TLL2: variants seen among roughly 807,000 people sequenced by gnomAD.
TLL2 encodes tolloid-like protein 2.
TLL2 carries 106 observed loss-of-function variants against 123.0 expected under a neutral mutation model. The observed-to-expected ratio is 0.86, with a 90% CI of 0.74 to 1.01. The LOEUF is 1.01. Among genes scored for constraint, TLL2 ranks in the 50% least tolerant of loss-of-function variants. The pLI is 0.00. For synonymous variants in TLL2, 494 were observed against 516.8 expected (o/e 0.96, Z 0.60); for missense variants, 1,332 against 1,336.7 (o/e 1.00, Z 0.06).
At chr10:96,368,246 G>A (rs751559132) in intron 20 of TLL2, 24 bp from the exon 21 acceptor site, 18 of 1,611,632 alleles carry the variant, frequency 1.1e-5, no homozygotes, top group Non-Finnish European at 1.4e-5. Context: ...AAAGGGAAAC[G>A]AGAAGGACTT....
chr10:96,478,158 C>T (rs1009499), intron 2 of TLL2, among the ~76,000 whole-genome samples: 1,923 of 152,334 alleles, frequency 0.013, 41 homozygotes, highest in African/African-American at 0.044. Context: ...ATGCAGCTGG[C>T]GTGGTGGCTG....
intron 1 of TLL2, among the ~76,000 whole-genome samples, chr10:96,481,547 G>A (rs1847312145): frequency 1.3e-5 from 2 of 152,180 alleles, no homozygotes; most frequent in African/African-American, 4.8e-5. Flanking sequence ...TGGGCCAGGT[G>A]TCAAGGAAAC....
At chr10:96,510,281 C>T (rs1847616257) in intron 1 of TLL2, among the ~76,000 whole-genome samples, 1 of 152,190 alleles carries the variant, frequency 6.6e-6, no homozygotes, top group Non-Finnish European at 1.5e-5. Flanking sequence ...GTATTGACAG[C>T]ATCAGAAGAA....
intron 1 of TLL2, among the ~76,000 whole-genome samples, chr10:96,495,723 G>A (rs940517608): frequency 2.8e-4 from 42 of 152,122 alleles, no homozygotes; most frequent in Non-Finnish European, 7.4e-5. Flanking sequence ...GGAAACAGGC[G>A]AGATGTGAAT....
chr10:96,476,234 A>ATTTTTTTTTTTTTTTT (rs1232966569), intron 2 of TLL2, among the ~76,000 whole-genome samples: 3 of 21,522 alleles, frequency 1.4e-4, no homozygotes, highest in African/African-American at 5.4e-4. Context: ...ATATATATAT[A>ATTTTTTTTTTTTTTTT]TATATATTTT....
chr10:96,432,159 C>CT (rs1717426879), intron 4 of TLL2, among the ~76,000 whole-genome samples: 1 of 152,164 alleles, frequency 6.6e-6, no homozygotes, highest in African/African-American at 2.4e-5. Context: ...ATATCAGATA[C>CT]ATACTAATTA....
intron 8 of TLL2, 187 bp from the exon 9 acceptor site, chr10:96,410,661 C>A: frequency 4.5e-6 from 3 of 672,382 alleles, no homozygotes; most frequent in Non-Finnish European, 2.7e-6. Context: ...ACCTAGGAGT[C>A]AAAAAGGAAC....
intron 1 of TLL2, among the ~76,000 whole-genome samples, chr10:96,505,056 T>A (rs1847566803): frequency 6.6e-6 from 1 of 151,746 alleles, no homozygotes; most frequent in African/African-American, 2.4e-5. Context: ...TAAAAGATAC[T>A]ACCTGCGACT....
At chr10:96,478,159 G>T (rs1030898810) in intron 2 of TLL2, among the ~76,000 whole-genome samples, 1 of 152,210 alleles carries the variant, frequency 6.6e-6, no homozygotes, top group African/African-American at 2.4e-5. Flanking sequence ...TGCAGCTGGC[G>T]TGGTGGCTGG....
intron 1 of TLL2, among the ~76,000 whole-genome samples, chr10:96,501,823 C>A (rs1434933733): frequency 6.6e-6 from 1 of 152,224 alleles, no homozygotes; most frequent in Non-Finnish European, 1.5e-5. Flanking sequence ...TCTGGTATCT[C>A]ATTGACTGAG....
chr10:96,373,766 T>C lies in TLL2; in HGVS notation c.2492A>G (p.Tyr831Cys). ...FEIEQHQECA[Y>C]DHLEMYDGPD... Reference sequence around the variant, plus strand: ...CCCGTCATACATTTCCAGGTGGTCATAGGCACATTCCTGGTGCTGCTCGAT... The same window carrying C: ...CCCGTCATACATTTCCAGGTGGTCACAGGCACATTCCTGGTGCTGCTCGAT... Residue 831 changes from tyrosine (Y) to cysteine (C), a missense_variant, in exon 19 of 21, where the codon TAT becomes TGT. Tyr to Cys is a radical substitution (Grantham distance 194, BLOSUM62 -2). Coordinates refer to ENST00000357947, the MANE Select transcript of TLL2 (RefSeq NM_012465.4). 2 of 1,614,194 alleles carry C rather than the reference T, an allele frequency of 1.2e-6. No individual in the cohort carries two copies. Among genetic ancestry groups the C allele is most frequent in the African/African-American group, 1.3e-5 (1 of 75,050 alleles).
At chr10:96,376,940 G>A (rs1030843592) in intron 17 of TLL2, 121 bp from the exon 18 acceptor site, 12 of 946,150 alleles carry the variant, frequency 1.3e-5, no homozygotes, top group African/African-American at 1.7e-5. Flanking sequence ...TATCAAATAT[G>A]GGGGTGGGGT....
At chr10:96,487,741 C>T (rs1847371616) in intron 1 of TLL2, among the ~76,000 whole-genome samples, 1 of 152,158 alleles carries the variant, frequency 6.6e-6, no homozygotes, top group South Asian at 2.1e-4. Context: ...CCTGGGGTCA[C>T]AGGGCCAGCA....
intron 6 of TLL2, 95 bp from the exon 7 acceptor site, chr10:96,421,156 AG>A: frequency 1.1e-6 from 1 of 874,590 alleles, no homozygotes; most frequent in East Asian, 2.4e-5. Flanking sequence ...ACAACTTCCC[AG>A]GGCTCTCTTG....
rs1023906831 is a variant in TLL2, at chr10:96,489,879, G to A, written c.176-9420C>T. 2.6e-5 allele frequency among the ~76,000 whole-genome samples: 4 copies of A among 152,070 alleles called. No homozygotes were observed. The South Asian group carries it at 8.3e-4, about 32-fold the overall frequency. On this transcript the variant is annotated intron_variant, in intron 1 of 20. Coordinates refer to ENST00000357947, the MANE Select transcript of TLL2 (RefSeq NM_012465.4). Reference sequence around the variant, plus strand: ...TGGGAGGCCAAGGCAGGTGGATTACGTGAGGTCAGGAGTTCGAGACCAGCC... The same window carrying A: ...TGGGAGGCCAAGGCAGGTGGATTACATGAGGTCAGGAGTTCGAGACCAGCC...
intron 9 of TLL2, 34 bp from the exon 10 acceptor site, chr10:96,405,368 G>A (rs752923505): frequency 9.4e-6 from 15 of 1,603,752 alleles, no homozygotes; most frequent in Non-Finnish European, 1.1e-5. Context: ...AGTTTTGGCA[G>A]CAAAGCCTGA....
At chr10:96,378,932 GC>G in intron 17 of TLL2, 34 bp downstream of exon 17, 1 of 1,611,220 alleles carries the variant, frequency 6.2e-7, no homozygotes, top group Non-Finnish European at 8.5e-7. Context: ...GCGAAGGGCA[GC>G]CCGCCCCCCC....
chr10:96,368,300 T>A, intron 20 of TLL2, 78 bp from the exon 21 acceptor site: 5 of 1,538,154 alleles, frequency 3.3e-6, no homozygotes, highest in African/African-American at 1.4e-5. Flanking sequence ...GGACAGGATC[T>A]TATGCAAGGA....
At chr10:96,396,139 A>T (rs1482887513) in intron 11 of TLL2, 119 bp from the exon 12 acceptor site, 6 of 1,196,680 alleles carry the variant, frequency 5.0e-6, no homozygotes, top group Admixed American at 4.8e-5. Flanking sequence ...CCGCTCACCA[A>T]CATTTTCATC....
Sources: gnomAD v4.1 joint callset for allele counts (sites outside exome capture counted in the v4.1 genomes callset) on GRCh38, gnomAD v4.1.1 for gene constraint, MANE v1.5 for transcripts, NCBI Gene and HGNC (gene_info 2026-07-23, HGNC 2026-07-21) for gene names.